TIPIN: variants seen among roughly 807,000 people sequenced by gnomAD.
TIPIN encodes the protein TIMELESS-interacting protein.
In TIPIN, 29 loss-of-function variants were observed where a neutral mutation model predicts 35.6. That is an observed-to-expected ratio of 0.82 (90% CI 0.61 to 1.11). TIPIN has a LOEUF of 1.11. Ranked by LOEUF, TIPIN falls within the 50% of genes most tolerant of loss-of-function variation. The probability of loss-of-function intolerance (pLI) is 0.00; values close to 1 mark genes in which losing one functional copy is unlikely to be tolerated. For synonymous variants in TIPIN, 102 were observed against 121.5 expected, an observed-to-expected ratio of 0.84 and a Z score of 1.06; for missense variants, 296 against 345.4, an observed-to-expected ratio of 0.86 and a Z score of 1.13.
intron 7 of TIPIN, among the ~76,000 whole-genome samples, chr15:66,338,207 G>T (rs2093059239): frequency 6.7e-6 from 1 of 150,070 alleles, no homozygotes; most frequent in Admixed American, 6.6e-5. Context: ...AGTGGGCCGA[G>T]ATCAGCAACT....
intron 1 of TIPIN, among the ~76,000 whole-genome samples, chr15:66,367,226 C>CTATATCTATATCTATATCTATATA (rs746375567): frequency 1.8e-5 from 2 of 111,904 alleles, no homozygotes; most frequent in East Asian, 5.1e-4. Context: ...ATATCTATAT[C>CTATATCTATATCTATATCTATATA]TGTATCTATA....
intron 1 of TIPIN, chr15:66,379,499 G>C: frequency 1.2e-6 from 2 of 1,609,434 alleles, no homozygotes; most frequent in Non-Finnish European, 1.7e-6. Context: ...CATCTTTCTG[G>C]GCTTGAGATA....
upstream of TIPIN, among the ~76,000 whole-genome samples, chr15:66,357,089 T>C (rs2093209082): frequency 6.6e-6 from 1 of 151,844 alleles, no homozygotes; most frequent in South Asian, 2.1e-4. Flanking sequence ...AATGGGTTTT[T>C]GTTTGTTTGT....
rs2093085348 is a variant in TIPIN, at chr15:66,341,354, C to T, written c.478G>A (p.Glu160Lys). The change falls in exon 7 of 8, where the codon GAA becomes AAA. Residue 160 changes from glutamate (E) to lysine (K), a missense_variant and splice_region_variant. Transcript: ENST00000261881. ...TCATGTTCATTATTCTCCGCAACTT[C>T]ATCTGCAATAGAAAAGAAATAGTAC... ...LHEDFVSNND[E>K]VAENNEHDVT... is the part of the protein sequence containing the mutation. 6.2e-7 allele frequency: 1 copy of T among 1,610,024 alleles called. No individual in the cohort carries two copies. The highest frequency in any genetic ancestry group is 8.5e-7 in the Non-Finnish European group (1 of 1,177,802).
At chr15:66,383,266 A>AT (rs61646046) in intron 1 of TIPIN, among the ~76,000 whole-genome samples, 5,416 of 144,346 alleles carry the variant, frequency 0.038, 117 homozygotes, top group Middle Eastern at 0.089. Flanking sequence ...AAAAGTTTCA[A>AT]TTTTTTTTTT....
At chr15:66,363,257 C>A (rs1177026643) in intron 1 of TIPIN, among the ~76,000 whole-genome samples, 2 of 152,054 alleles carry the variant, frequency 1.3e-5, no homozygotes, top group African/African-American at 2.4e-5. Context: ...GCCTGTAATC[C>A]CAGACTTTGG....
At chr15:66,360,071 C>G (rs559952974), upstream of TIPIN, among the ~76,000 whole-genome samples, 2 of 152,126 alleles carry the variant, frequency 1.3e-5, no homozygotes, top group South Asian at 4.1e-4. Flanking sequence ...CCCCGTCTAA[C>G]CCAGTTTCCT....
chr15:66,351,727 T>C (rs1422728856), intron 3 of TIPIN, 127 bp from the exon 4 acceptor site: 14 of 717,322 alleles, frequency 2.0e-5, no homozygotes, highest in Non-Finnish European at 2.7e-5. Context: ...AAGCTCGGCC[T>C]CCCCCAGGTT....
chr15:66,369,494 G>A (rs1209022953), intron 1 of TIPIN, among the ~76,000 whole-genome samples: 1 of 151,572 alleles, frequency 6.6e-6, no homozygotes, highest in Non-Finnish European at 1.5e-5. Flanking sequence ...GACTACAGGC[G>A]CCTGCCACCA....
chr15:66,369,936 G>A (rs2093271933), intron 1 of TIPIN, among the ~76,000 whole-genome samples: 1 of 152,096 alleles, frequency 6.6e-6, no homozygotes, highest in Admixed American at 6.6e-5. Flanking sequence ...GATGATGCAG[G>A]GGTTTTCCAT....
At position 66,352,822 on chromosome 15, in the gene TIPIN, A is replaced by C. The variant is rs773383040; in HGVS notation, c.126T>G (p.Pro42=). The C allele has an allele frequency of 6.2e-7, 1 of 1,611,648 alleles. No homozygotes were observed. The highest frequency in any genetic ancestry group is 1.1e-5 in the South Asian group (1 of 90,902). The stretch of plus-strand genomic sequence containing the variant: ...AAAACTCTCTATACATACCTTCATC[A>C]GGCTCAGTTCCTTCACCATCTTGTC... ...PERQDGEGTE[P]DEESGNGAPV... is the part of the protein sequence containing the mutation. The change falls in exon 2 of 8, where the codon CCT becomes CCG. Residue 42 remains proline, a synonymous_variant. Coordinates refer to ENST00000261881, the MANE Select transcript of TIPIN (RefSeq NM_017858.3).
At chr15:66,367,451 G>A (rs1036633007) in intron 1 of TIPIN, among the ~76,000 whole-genome samples, 3 of 151,560 alleles carry the variant, frequency 2.0e-5, no homozygotes, top group African/African-American at 7.3e-5. Flanking sequence ...CTGGAGTGCA[G>A]TGGCATGATC....
In TIPIN at chr15:66,382,273, G is replaced by A. The variant is rs2093321350; in HGVS notation, c.-9+4334C>T. On this transcript the variant is annotated intron_variant, in intron 1 of 7. Coordinates refer to the TIPIN transcript ENST00000562124. ...GAGGGTAAGTAATCAGCCAAGGGCA[G>A]AACTGGAATTAATCTCAGGTCTTTC... 5 of 875,770 alleles carry A rather than the reference G, an allele frequency of 5.7e-6. No homozygotes were observed. The African/African-American group carries it at 9.1e-5, about 16-fold the overall frequency. 54.2% of individuals were successfully genotyped at this position (875,770 alleles called of 1,614,324 possible). A position where few individuals can be genotyped will look rare whatever the true frequency, so the allele number is the denominator to read the frequency against.
chr15:66,381,273 T>A (rs938421878), intron 1 of TIPIN, among the ~76,000 whole-genome samples: 1 of 152,014 alleles, frequency 6.6e-6, no homozygotes, highest in Non-Finnish European at 1.5e-5. Flanking sequence ...CTGTCTCTAC[T>A]AAAAATACAA....
chr15:66,356,707 C>A (rs1283779044), upstream of TIPIN: 3 of 985,350 alleles, frequency 3.0e-6, no homozygotes, highest in Admixed American at 1.8e-4. Flanking sequence ...TCGCGATACT[C>A]GGGAACTCCT....
intron 1 of TIPIN, among the ~76,000 whole-genome samples, chr15:66,362,314 AAAGAAG>A (rs564701210): frequency 6.6e-6 from 1 of 152,108 alleles, no homozygotes; most frequent in Non-Finnish European, 1.5e-5. Flanking sequence ...AAAAAAAAAA[AAAGAAG>A]AAGAAGACTT....
chr15:66,343,090 C>T (rs955008921), intron 6 of TIPIN, among the ~76,000 whole-genome samples: 1 of 152,174 alleles, frequency 6.6e-6, no homozygotes, highest in Non-Finnish European at 1.5e-5. Context: ...GTCAGATATA[C>T]AGCTGTTTCT....
chr15:66,379,976 C>T (rs2093312105), intron 1 of TIPIN: 1 of 698,348 alleles, frequency 1.4e-6, no homozygotes. Flanking sequence ...TAGGGATACA[C>T]CTTCATTTCT....
intron 1 of TIPIN, among the ~76,000 whole-genome samples, chr15:66,364,966 C>A (rs199501473): frequency 1.9e-3 from 146 of 76,108 alleles, no homozygotes; most frequent in Middle Eastern, 0.014. Context: ...AACTCCATCT[C>A]AAAAAAAAAG....
Sources: gnomAD v4.1 joint callset for allele counts (sites outside exome capture counted in the v4.1 genomes callset) on GRCh38, gnomAD v4.1.1 for gene constraint, MANE v1.5 for transcripts, NCBI Gene and HGNC (gene_info 2026-07-23, HGNC 2026-07-21) for gene names.